Variants in CCNH observed in about 807,000 individuals in gnomAD.
CCNH encodes cyclin H, also known as cyclin-H.
A neutral mutation model predicts 41.9 loss-of-function variants in CCNH; 31 were observed. The observed-to-expected ratio is 0.74, with a 90% CI of 0.56 to 1.00. The LOEUF (loss-of-function observed/expected upper bound fraction) is 1.00, where lower values mean the gene tolerates loss of function less well. CCNH is among the 50% of genes least tolerant of loss of function. CCNH has a pLI of 0.00. For missense variants in CCNH, 362 were observed against 388.4 expected (o/e 0.93, Z 0.57); for synonymous variants, 138 against 136.1 (o/e 1.01, Z -0.10).
intron 9 of CCNH, chr5:87,385,196 G>T: frequency 1.3e-6 from 1 of 772,100 alleles, no homozygotes; most frequent in South Asian, 1.4e-5. Flanking sequence ...GGAAGAATGG[G>T]TAGTAGTTTA....
intron 4 of CCNH, among the ~76,000 whole-genome samples, chr5:87,406,964 C>G (rs1457535153): frequency 6.6e-6 from 1 of 152,164 alleles, no homozygotes; most frequent in African/African-American, 2.4e-5. Flanking sequence ...CTTCTCTTTG[C>G]TGTATTCAAA....
At position 87,353,209 on chromosome 5, in the gene CCNH, T is replaced by A. The variant is rs1239725761; in HGVS notation, c.*91-34312A>T. ...AAAAGAACAGATTGTTGAAGGATAT[T>A]ATCTTAAGGAACCTGTACCAATGCA... On this transcript the variant is annotated intron_variant and NMD_transcript_variant, in intron 9 of 9. Coordinates refer to the CCNH transcript ENST00000645953. 6.2e-7 allele frequency: 1 copy of A among 1,609,544 alleles called. No homozygotes were observed. The highest frequency in any genetic ancestry group is 1.3e-5 in the African/African-American group (1 of 74,762).
intron 9 of CCNH, among the ~76,000 whole-genome samples, chr5:87,320,622 G>A (rs1040995587): frequency 2.0e-5 from 3 of 152,160 alleles, no homozygotes; most frequent in African/African-American, 7.2e-5. Context: ...CACGAGAACA[G>A]CAAGGGGAAA....
intron 9 of CCNH, among the ~76,000 whole-genome samples, chr5:87,353,390 T>G (rs1286781348): frequency 1.3e-5 from 2 of 152,072 alleles, no homozygotes; most frequent in East Asian, 3.9e-4. Context: ...TAAGAATCTT[T>G]TAGTTTTTAT....
chr5:87,318,271 G>A (rs112941023), downstream of CCNH: 2 of 152,192 alleles, frequency 1.3e-5, no homozygotes, highest in African/African-American at 2.4e-5. Context: ...TGGCCTGTTA[G>A]AGGAGGAGTT....
chr5:87,349,091 AC>A, intron 9 of CCNH: 3 of 1,221,922 alleles, frequency 2.5e-6, no homozygotes, highest in Admixed American at 2.3e-5. Flanking sequence ...TAAAAAAAAA[AC>A]AAGTTCCTGG....
chr5:87,397,717 A>C (rs1763078217), intron 7 of CCNH, among the ~76,000 whole-genome samples: 1 of 152,218 alleles, frequency 6.6e-6, no homozygotes, highest in Admixed American at 6.5e-5. Context: ...TATGGCAGTT[A>C]AGAATTTTGG....
At chr5:87,328,143 A>AT (rs1757367309) in intron 9 of CCNH, among the ~76,000 whole-genome samples, 1 of 152,194 alleles carries the variant, frequency 6.6e-6, no homozygotes, top group South Asian at 2.1e-4. Context: ...AAAACTTATT[A>AT]TTGCTATGTG....
intron 6 of CCNH, 22 bp from the exon 7 acceptor site, chr5:87,399,527 A>AT (rs757583593): frequency 8.0e-6 from 12 of 1,509,082 alleles, no homozygotes; most frequent in Non-Finnish European, 4.6e-6. Context: ...CAAAAAAAGA[A>AT]TTTAAACTGA....
intron 9 of CCNH, among the ~76,000 whole-genome samples, chr5:87,342,311 A>G (rs1758532165): frequency 6.6e-6 from 1 of 151,764 alleles, no homozygotes; most frequent in Non-Finnish European, 1.5e-5. Flanking sequence ...GGCGCACAAC[A>G]CCATGCTAGG....
chr5:87,374,325 G>C (rs1761160721), downstream of CCNH: 1 of 1,599,080 alleles, frequency 6.3e-7, no homozygotes, highest in African/African-American at 1.3e-5. Context: ...CTTTGAGTAA[G>C]TCTTATTTTA....
chr5:87,329,252 C>T (rs1348339457), intron 9 of CCNH, among the ~76,000 whole-genome samples: 1 of 149,932 alleles, frequency 6.7e-6, no homozygotes, highest in Non-Finnish European at 1.5e-5. Flanking sequence ...TGAGACCAGC[C>T]TGGGTGACAT....
chr5:87,321,431 G>A (rs573510502), intron 9 of CCNH, among the ~76,000 whole-genome samples: 168 of 152,274 alleles, frequency 1.1e-3, no homozygotes, highest in Non-Finnish European at 1.9e-3. Flanking sequence ...TGGGGTCTGG[G>A]CCCTCCTTCC....
In CCNH at chr5:87,376,507, G is replaced by A. The variant is rs976081140; in HGVS notation, n.674C>T. The A allele has an allele frequency of 1.9e-6, 3 of 1,613,858 alleles. No individual in the cohort carries two copies. The highest frequency in any genetic ancestry group is 1.3e-5 in the African/African-American group (1 of 74,872). On this transcript the variant is annotated non_coding_transcript_exon_variant, in exon 1 of 1. Transcript: ENST00000607486. ...ATTGAACCAGGGTCCCTGCGTGTTCGAGCACGATACTCTATGGAAAAAATC... is the reference window on the plus strand; with the variant it reads ...ATTGAACCAGGGTCCCTGCGTGTTCAAGCACGATACTCTATGGAAAAAATC...
At chr5:87,358,441 A>G (rs1308895545) in intron 9 of CCNH, among the ~76,000 whole-genome samples, 1 of 152,168 alleles carries the variant, frequency 6.6e-6, no homozygotes, top group Non-Finnish European at 1.5e-5. Flanking sequence ...ATCATCCTCA[A>G]TTCTTCTCTT....
chr5:87,342,673 C>T lies in CCNH; in HGVS notation c.*91-23776G>A, dbSNP rs542517208. Among the ~76,000 whole-genome samples the T allele has an allele frequency of 4.3e-4, 65 of 152,232 alleles. 1 individual carries two copies. The highest frequency in any genetic ancestry group is 3.4e-3 in the Middle Eastern group (1 of 294). Reference sequence around the variant, plus strand: ...GTGGTAATAAATGGCAACTAATATTCACTCACGGTGTTAGGGAAAACTGTG... The same window carrying T: ...GTGGTAATAAATGGCAACTAATATTTACTCACGGTGTTAGGGAAAACTGTG... On this transcript the variant is annotated intron_variant and NMD_transcript_variant, in intron 9 of 9. Transcript: ENST00000645953.
At chr5:87,379,646 C>T, upstream of CCNH, 3 of 1,518,284 alleles carry the variant, frequency 2.0e-6, no homozygotes, top group Non-Finnish European at 2.7e-6. Flanking sequence ...AAATAGACAA[C>T]CTCGAAAACT....
At chr5:87,315,864 A>C (rs1378172797), downstream of CCNH, among the ~76,000 whole-genome samples, 3 of 152,224 alleles carry the variant, frequency 2.0e-5, no homozygotes, top group African/African-American at 7.2e-5. Flanking sequence ...AGGTTTAAAA[A>C]GTTTAATTTC....
chr5:87,388,742 A>G (rs745446357), downstream of CCNH, among the ~76,000 whole-genome samples: 10 of 152,218 alleles, frequency 6.6e-5, no homozygotes, highest in Non-Finnish European at 1.3e-4. Context: ...TTGCATTTTC[A>G]TAGTGCAGTT....
Sources: gnomAD v4.1 joint callset for allele counts (sites outside exome capture counted in the v4.1 genomes callset) on GRCh38, gnomAD v4.1.1 for gene constraint, MANE v1.5 for transcripts, NCBI Gene and HGNC (gene_info 2026-07-23, HGNC 2026-07-21) for gene names.